The following CEP83 variants were observed in gnomAD, a reference collection of about 807,000 sequenced individuals.
CEP83 encodes centrosomal protein of 83 kDa.
A neutral mutation model predicts 101.9 loss-of-function variants in CEP83; 70 were observed. The observed-to-expected ratio is 0.69, with a 90% CI of 0.57 to 0.84. CEP83 has a LOEUF of 0.84. CEP83 is among the 40% of genes least tolerant of loss of function. CEP83 has a pLI of 0.00. For missense variants in CEP83, 715 were observed against 787.2 expected, an observed-to-expected ratio of 0.91 and a Z score of 1.10; for synonymous variants, 264 against 267.9, an observed-to-expected ratio of 0.99 and a Z score of 0.14.
At position 94,367,945 on chromosome 12, in the gene CEP83, TAAAAC is replaced by T; in HGVS notation, c.1194-7_1194-3del. 3 of 1,611,696 alleles carry T rather than the reference TAAAAC, an allele frequency of 1.9e-6. No individual in the cohort carries two copies. Among genetic ancestry groups the T allele is most frequent in the Non-Finnish European group, 2.5e-6 (3 of 1,178,946 alleles). On this transcript the variant is annotated splice_polypyrimidine_tract_variant and splice_region_variant and intron_variant, in intron 10 of 16. Coordinates refer to ENST00000397809, the MANE Select transcript of CEP83 (RefSeq NM_016122.3). ...GCTAATCTGTTCTCGAGTTCTAACC[TAAAAC>T]AAGAGATCATAATTATGTTACAAGA...
chr12:94,404,346 ATATAGAACCCTTATATAGAAAGCT>A (rs1441755625), intron 4 of CEP83, among the ~76,000 whole-genome samples: 37 of 152,222 alleles, frequency 2.4e-4, no homozygotes, highest in African/African-American at 8.7e-4. Context: ...ACTAAAGCTT[ATATAGAACCCTTATATAGAAAGCT>A]TATAGAACCC....
Position 94,313,354 on chromosome 12 carries a change from T to C in CEP83, c.1708-337A>G, listed in dbSNP as rs531284792. 5.3e-5 allele frequency among the ~76,000 whole-genome samples: 8 copies of C among 152,052 alleles called. No individual in the cohort carries two copies. In the South Asian group the frequency reaches 1.7e-3, roughly 32 times the overall value. ...TGGTAAGAAATAATGAGCTCTCCAT[T>C]GTTCCAGAAGATAGCATGTGTTTAA... is the stretch of plus-strand genomic sequence containing the variant. On this transcript the variant is annotated intron_variant, in intron 14 of 16. Coordinates refer to ENST00000397809, the MANE Select transcript of CEP83 (RefSeq NM_016122.3).
downstream of CEP83, among the ~76,000 whole-genome samples, chr12:94,302,098 A>G (rs548106045): frequency 6.6e-6 from 1 of 152,204 alleles, no homozygotes; most frequent in South Asian, 2.1e-4. Context: ...CTAAAACATA[A>G]ATCTGATGAT....
the CEP83 span, among the ~76,000 whole-genome samples, chr12:94,273,048 A>G: frequency 6.6e-6 from 1 of 152,168 alleles, no homozygotes. Flanking sequence ...ATGATTTTGG[A>G]CATGCTTCTA....
Position 94,308,853 on chromosome 12 carries a change from T to G in CEP83, c.2066A>C (p.Gln689Pro). The G allele has an allele frequency of 5.0e-6, 8 of 1,613,000 alleles. No homozygotes were observed. The highest frequency in any genetic ancestry group is 6.8e-6 in the Non-Finnish European group (8 of 1,179,114). Residue 689 changes from glutamine to proline, a missense_variant, in exon 17 of 17, where the codon CAA becomes CCA. Transcript: ENST00000397809. ...TCCAAGTTCCTCTAGTTGTTTTCTT[T>G]GTGTTGTTTCCAGTTCTTCTAGTCT... ...RKRLEELETT[Q>P]RKQLEELGSS... is the part of the protein sequence containing the mutation.
At chr12:94,298,812 T>C in the CEP83 span, 1 of 1,600,036 alleles carries the variant, frequency 6.2e-7, no homozygotes, top group South Asian at 1.1e-5. Flanking sequence ...ATGTAGGTGA[T>C]TAGTGACTGT....
At chr12:94,346,653 C>T (rs1037054122) in intron 11 of CEP83, among the ~76,000 whole-genome samples, 2 of 152,146 alleles carry the variant, frequency 1.3e-5, no homozygotes, top group Non-Finnish European at 2.9e-5. Flanking sequence ...CTTCAACCCG[C>T]AGGATCTGAT....
chr12:94,360,111 A>G (rs1416934005), intron 11 of CEP83, among the ~76,000 whole-genome samples: 1 of 152,228 alleles, frequency 6.6e-6, no homozygotes, highest in East Asian at 1.9e-4. Context: ...AATTAGGTAT[A>G]AAAGAAACAT....
At chr12:94,382,096 C>A (rs561235466) in intron 6 of CEP83, among the ~76,000 whole-genome samples, 2 of 151,980 alleles carry the variant, frequency 1.3e-5, no homozygotes, top group African/African-American at 4.8e-5. Flanking sequence ...GTCGTTTGTG[C>A]CTTTTAAGAA....
rs117723170 is a variant in CEP83 at position 94,412,090 on chromosome 12, C to T, written c.173+228G>A. ...CCATCTGGATACATTTAATCTTATA[C>T]GTCCTGCTACTTTCAAAATAAGGCT... On this transcript the variant is annotated intron_variant, in intron 3 of 16. Transcript: ENST00000397809. 7.9e-4 allele frequency among the ~76,000 whole-genome samples: 120 copies of T among 152,226 alleles called. 1 individual carries two copies. The East Asian group carries it at 0.022, about 28-fold the overall frequency.
chr12:94,268,255 C>T, the CEP83 span, among the ~76,000 whole-genome samples: 1 of 152,200 alleles, frequency 6.6e-6, no homozygotes, highest in Non-Finnish European at 1.5e-5. Context: ...ATAAAGGCAT[C>T]TTGCCAATTT....
chr12:94,270,919 A>G, the CEP83 span, among the ~76,000 whole-genome samples: 1 of 152,112 alleles, frequency 6.6e-6, no homozygotes, highest in Non-Finnish European at 1.5e-5. Flanking sequence ...GGGAGGCTGG[A>G]TGGGCAAGCG....
At chr12:94,305,272 G>A (rs368139262), downstream of CEP83, 4 of 1,606,472 alleles carry the variant, frequency 2.5e-6, no homozygotes, top group Non-Finnish European at 3.4e-6. Flanking sequence ...AAGAAGAAAT[G>A]CAAGTGGATG....
chr12:94,368,269 G>A, intron 9 of CEP83, 68 bp from the exon 10 acceptor site: 1 of 1,230,496 alleles, frequency 8.1e-7, no homozygotes, highest in Non-Finnish European at 1.1e-6. Flanking sequence ...ACATTTAACA[G>A]CAAGCATTCA....
chr12:94,403,338 CTAATTA>C, intron 4 of CEP83, 76 bp from the exon 5 acceptor site: 1 of 676,096 alleles, frequency 1.5e-6, no homozygotes, highest in Non-Finnish European at 2.5e-6. Flanking sequence ...AGCCTCTCTC[CTAATTA>C]TGACAATGGA....
the CEP83 span, chr12:94,279,516 A>G: frequency 2.5e-6 from 4 of 1,614,204 alleles, no homozygotes; most frequent in South Asian, 2.2e-5. Context: ...ACGAGAGTGC[A>G]GATGTCTGTC....
Position 94,369,934 on chromosome 12 carries a change from T to C in CEP83, c.1036A>G (p.Ser346Gly), listed in dbSNP as rs1566006899. 6.4e-7 allele frequency: 1 copy of C among 1,574,696 alleles called. No individual in the cohort carries two copies. The highest frequency in any genetic ancestry group is 1.7e-5 in the Admixed American group (1 of 59,594). ...ELERERNKIQ[S>G]ELDGLQSDNE... Reference sequence around the variant, plus strand: ...AATCACATATTACCATCCAGTTCACTTTGAATCTTATTCCTTTCTCTTTCT... The same window carrying C: ...AATCACATATTACCATCCAGTTCACCTTGAATCTTATTCCTTTCTCTTTCT... Residue 346 changes from serine to glycine, a missense_variant, in exon 9 of 17, where the codon AGT (serine) becomes GGT (glycine). Coordinates refer to ENST00000397809, the MANE Select transcript of CEP83 (RefSeq NM_016122.3).
the CEP83 span, chr12:94,282,752 C>T: frequency 3.8e-5 from 7 of 183,336 alleles, no homozygotes; most frequent in Admixed American, 1.1e-4. Context: ...AAACAAAGCC[C>T]GGGAAGTCCC....
chr12:94,285,605 AT>A, the CEP83 span, among the ~76,000 whole-genome samples: 2 of 152,170 alleles, frequency 1.3e-5, no homozygotes, highest in Non-Finnish European at 2.9e-5. Context: ...AAAAGTGTGC[AT>A]TCTTGGGCTC....
Sources: allele counts gnomAD v4.1 joint callset (sites outside exome capture counted in the v4.1 genomes callset), GRCh38; gene constraint gnomAD v4.1.1; transcripts MANE v1.5; gene names NCBI Gene and HGNC (gene_info 2026-07-23, HGNC 2026-07-21).